Variants in DDX24 observed in about 807,000 individuals in gnomAD.
The protein encoded by DDX24 is ATP-dependent RNA helicase DDX24.
In DDX24, 24 loss-of-function variants were observed where a neutral mutation model predicts 68.9. That is an observed-to-expected ratio of 0.35 (90% CI 0.25 to 0.49). DDX24 has a LOEUF of 0.49. Ranked by LOEUF, DDX24 falls within the 20% of genes least tolerant of loss-of-function variation. DDX24 has a pLI of 0.99. For synonymous variants in DDX24, 395 were observed against 385.2 expected (o/e 1.03, Z -0.30); for missense variants, 989 against 1,039.0 (o/e 0.95, Z 0.66).
intron 2 of DDX24, among the ~76,000 whole-genome samples, chr14:94,070,309 G>T (rs1452835860): frequency 6.6e-6 from 1 of 151,590 alleles, no homozygotes; most frequent in Non-Finnish European, 1.5e-5. Context: ...TAACAAAGGA[G>T]TCAAAAGACG....
At chr14:94,066,510 C>T (rs1451432644) in intron 2 of DDX24, among the ~76,000 whole-genome samples, 2 of 152,232 alleles carry the variant, frequency 1.3e-5, no homozygotes, top group Non-Finnish European at 2.9e-5. Flanking sequence ...AAAGTGCCAC[C>T]TCCTGGCAGG....
At position 94,049,208 on chromosome 14, in the gene DDX24, G is replaced by A; in HGVS notation, c.*1983C>T. The A allele has an allele frequency of 6.6e-6, 1 of 152,274 alleles. No individual in the cohort carries two copies. Among genetic ancestry groups the A allele is most frequent in the Admixed American group, 6.5e-5 (1 of 15,286 alleles). The allele number at this position is 152,274 out of a possible 1,614,324, so 9.4% of individuals were successfully genotyped here. The stretch of plus-strand genomic sequence containing the variant: ...TGTTAGATGGCTAGGGCAGGACACG[G>A]ACAGTCATCAGGGGATCTATGTTTG... On this transcript the variant is annotated 3_prime_UTR_variant, in exon 9 of 9. Transcript: ENST00000621632.
intron 6 of DDX24, chr14:94,057,077 T>C (rs1885504649): frequency 6.6e-6 from 1 of 152,204 alleles, no homozygotes; most frequent in Non-Finnish European, 1.5e-5. Context: ...ATTCTCAGGA[T>C]AACCCTATGG....
intron 2 of DDX24, among the ~76,000 whole-genome samples, chr14:94,073,612 G>A (rs1211741378): frequency 1.3e-5 from 2 of 151,934 alleles, no homozygotes; most frequent in African/African-American, 2.4e-5. Context: ...ATTTCATAAC[G>A]ATAACAAGCC....
At position 94,053,127 on chromosome 14, in the gene DDX24, C is replaced by G. The variant is rs1390469989; in HGVS notation, c.2179G>C (p.Glu727Gln). Residue 727 changes from glutamate (E) to glutamine (Q), a missense_variant and splice_region_variant, in exon 8 of 9, where the codon GAG (glutamate) becomes CAG (glutamine). Glu to Gln is a conservative substitution (Grantham distance 29). Coordinates refer to ENST00000621632, the MANE Select transcript of DDX24 (RefSeq NM_020414.4). ...ATCTGTCGAGCTAAACGGATTCGCT[C>G]CTGGGGGGAAGTAACAGAAAATATT... The part of the protein sequence containing the change: ...VQTKYMDVVK[E>Q]RIRLARQIEK... The G allele has an allele frequency of 6.2e-7, 1 of 1,613,930 alleles. No individual in the cohort carries two copies. The highest frequency in any genetic ancestry group is 1.3e-5 in the African/African-American group (1 of 74,892).
intron 7 of DDX24, 28 bp from the exon 8 acceptor site, chr14:94,053,155 T>C: frequency 6.2e-7 from 1 of 1,613,714 alleles, no homozygotes. Flanking sequence ...AAAATATTCA[T>C]CTGAAATAGA....
intron 2 of DDX24, among the ~76,000 whole-genome samples, chr14:94,067,994 AG>A (rs1279763674): frequency 2.6e-5 from 4 of 152,208 alleles, no homozygotes; most frequent in Non-Finnish European, 4.4e-5. Flanking sequence ...GAGGAACGCA[AG>A]GGTACCTCAC....
At chr14:94,065,855 T>G (rs1347248605) in intron 2 of DDX24, among the ~76,000 whole-genome samples, 1 of 152,190 alleles carries the variant, frequency 6.6e-6, no homozygotes, top group Non-Finnish European at 1.5e-5. Context: ...GGGAGCTCGC[T>G]GGGTCCCCAA....
chr14:94,070,369 A>G (rs1328219085), intron 2 of DDX24, among the ~76,000 whole-genome samples: 1 of 152,224 alleles, frequency 6.6e-6, no homozygotes, highest in Non-Finnish European at 1.5e-5. Flanking sequence ...CAGACAACAG[A>G]AACAAATGGA....
chr14:94,073,386 C>T (rs1216744900), intron 2 of DDX24, among the ~76,000 whole-genome samples: 2 of 152,044 alleles, frequency 1.3e-5, no homozygotes, highest in South Asian at 4.1e-4. Context: ...TGCCTGGCTT[C>T]AATAATTCAA....
intron 1 of DDX24, among the ~76,000 whole-genome samples, chr14:94,080,232 A>C (rs1447496440): frequency 6.6e-6 from 1 of 152,206 alleles, no homozygotes; most frequent in Non-Finnish European, 1.5e-5. Flanking sequence ...CTTTATTAAA[A>C]GCGTACTGCG....
Position 94,055,075 on chromosome 14 carries a change from T to C in DDX24, c.2099A>G (p.Lys700Arg). 1 of 1,614,184 alleles carries C rather than the reference T, an allele frequency of 6.2e-7. No individual in the cohort carries two copies. The highest frequency in any genetic ancestry group is 2.2e-5 in the East Asian group (1 of 44,888). Residue 700 changes from lysine (K) to arginine (R), a missense_variant, in exon 7 of 9, where the codon AAG becomes AGG. Lys to Arg is a conservative substitution (Grantham distance 26). Coordinates refer to ENST00000621632, the MANE Select transcript of DDX24 (RefSeq NM_020414.4). ...LIGPEDVINF[K>R]KIYKTLKKDE... is the part of the protein sequence containing the mutation. Reference sequence around the variant, plus strand: ...TTTCTTGAGCGTTTTGTAAATCTTCTTAAAGTTGATCACATCCTCAGGCCC... The same window carrying C: ...TTTCTTGAGCGTTTTGTAAATCTTCCTAAAGTTGATCACATCCTCAGGCCC...
chr14:94,071,474 C>A (rs899969129), intron 2 of DDX24, among the ~76,000 whole-genome samples: 2 of 152,212 alleles, frequency 1.3e-5, no homozygotes, highest in African/African-American at 4.8e-5. Context: ...CATGGTGAAA[C>A]CCCATGTCTA....
At position 94,060,358 on chromosome 14, in the gene DDX24, A is replaced by G. The variant is rs771682940; in HGVS notation, c.1653T>C (p.Ile551=). 6.2e-7 allele frequency: 1 copy of G among 1,614,174 alleles called. No homozygotes were observed. Residue 551 remains isoleucine, a synonymous_variant, in exon 5 of 9, where the codon ATT becomes ATC. Transcript: ENST00000621632. ...CCGTGGCCTCATTCCTTGTGAGGTC[A>G]ATGACCTTGGGCTTGCCCCTCATGC... ...KIGMRGKPKV[I]DLTRNEATVE...
At chr14:94,074,025 A>C (rs937419451) in intron 2 of DDX24, among the ~76,000 whole-genome samples, 13 of 151,124 alleles carry the variant, frequency 8.6e-5, no homozygotes, top group African/African-American at 3.2e-4. Context: ...CCTGGGCAAC[A>C]GACCGAGACT....
At chr14:94,078,140 A>G (rs553588446) in intron 2 of DDX24, among the ~76,000 whole-genome samples, 17 of 152,332 alleles carry the variant, frequency 1.1e-4, no homozygotes, top group African/African-American at 3.8e-4. Flanking sequence ...ATGAGATATT[A>G]TAAGTAATCG....
intron 2 of DDX24, among the ~76,000 whole-genome samples, chr14:94,072,499 C>T (rs1044621737): frequency 3.3e-5 from 5 of 152,092 alleles, no homozygotes; most frequent in South Asian, 2.1e-4. Context: ...TATGGTGTAG[C>T]GTATATTGCT....
At chr14:94,067,763 T>C (rs375532922) in intron 2 of DDX24, among the ~76,000 whole-genome samples, 53 of 152,308 alleles carry the variant, frequency 3.5e-4, no homozygotes, top group Non-Finnish European at 4.7e-4. Flanking sequence ...AAAGATACAA[T>C]TGTTTTCAGA....
chr14:94,079,884 TAGAGAAGAACAAAGAATACCACAGAAC>T, intron 1 of DDX24, 137 bp from the exon 2 acceptor site: 1 of 780,724 alleles, frequency 1.3e-6, no homozygotes, highest in Non-Finnish European at 2.1e-6. Flanking sequence ...TGCTCCCACC[TAGAGAAGAACAAAGAATACCACAGAAC>T]AGACAGCTTT....
Sources: gnomAD v4.1 joint callset for allele counts (sites outside exome capture counted in the v4.1 genomes callset) on GRCh38, gnomAD v4.1.1 for gene constraint, MANE v1.5 for transcripts, NCBI Gene and HGNC (gene_info 2026-07-23, HGNC 2026-07-21) for gene names.